The following SLC9C2 variants were observed in gnomAD, a reference collection of about 807,000 sequenced individuals.
The protein encoded by SLC9C2 is sodium/hydrogen exchanger 11.
A neutral mutation model predicts 140.2 loss-of-function variants in SLC9C2; 75 were observed. The ratio of observed to expected loss-of-function variants is 0.53; its 90% confidence interval spans 0.44 to 0.65. The LOEUF (loss-of-function observed/expected upper bound fraction) is 0.65. Among genes scored for constraint, SLC9C2 ranks in the 30% least tolerant of loss-of-function variants. The pLI is 0.00. For missense variants in SLC9C2, 1,074 were observed against 1,331.8 expected (o/e 0.81, Z 3.01); for synonymous variants, 375 against 420.9 (o/e 0.89, Z 1.34).
intron 6 of SLC9C2, among the ~76,000 whole-genome samples, chr1:173,583,127 T>G (rs1191831552): frequency 6.6e-6 from 1 of 152,184 alleles, no homozygotes. Flanking sequence ...TCTCAAAACC[T>G]TGGATATAAA....
intron 13 of SLC9C2, among the ~76,000 whole-genome samples, chr1:173,546,945 G>A (rs1662890879): frequency 6.6e-6 from 1 of 152,096 alleles, no homozygotes. Context: ...TGGGGGTTAG[G>A]ATGCAGCAGG....
rs1200591003 is a variant in SLC9C2, at chr1:173,500,880, AT to A, written c.*213del. The A allele has an allele frequency of 1.6e-5, 6 of 367,672 alleles. No individual in the cohort carries two copies. Among genetic ancestry groups the A allele is most frequent in the African/African-American group, 4.2e-5 (2 of 47,668 alleles). 22.8% of individuals were successfully genotyped at this position (367,672 alleles called of 1,614,324 possible). Reference sequence around the variant, plus strand: ...CCTGAAGACTTTTTTAACATCCCAAATATAATGCAACTACTTAAAATTAAGA... The same window carrying A: ...CCTGAAGACTTTTTTAACATCCCAAAATAATGCAACTACTTAAAATTAAGA... On this transcript the variant is annotated 3_prime_UTR_variant, in exon 28 of 28. Coordinates refer to ENST00000367714, the MANE Select transcript of SLC9C2 (RefSeq NM_178527.4).
intron 11 of SLC9C2, among the ~76,000 whole-genome samples, chr1:173,550,872 A>AAGAGAG (rs143296396): frequency 0.015 from 1,298 of 86,424 alleles, 48 homozygotes; most frequent in African/African-American, 0.044. Context: ...GAGCCGTTGA[A>AAGAGAG]AGAGAGAGAG....
chr1:173,574,714 G>A (rs1351572532), intron 8 of SLC9C2, among the ~76,000 whole-genome samples: 2 of 142,066 alleles, frequency 1.4e-5, no homozygotes, highest in South Asian at 2.5e-4. Flanking sequence ...GTTTCACCAT[G>A]TTAGCCAGGA....
At chr1:173,522,277 A>C (rs7551305) in intron 21 of SLC9C2, among the ~76,000 whole-genome samples, 77,101 of 151,590 alleles carry the variant, frequency 0.51, 21,341 homozygotes, top group East Asian at 0.95. Context: ...TTCGGTGAGG[A>C]CTTTACAGCA....
chr1:173,541,304 G>C (rs12049084), intron 13 of SLC9C2, among the ~76,000 whole-genome samples: 2 of 151,938 alleles, frequency 1.3e-5, no homozygotes, highest in Non-Finnish European at 2.9e-5. Context: ...AACAAGAAGA[G>C]CTAACTATCC....
At chr1:173,535,706 A>C (rs1238350263) in intron 15 of SLC9C2, 124 bp downstream of exon 15, 1 of 1,165,314 alleles carries the variant, frequency 8.6e-7, no homozygotes, top group Non-Finnish European at 1.1e-6. Context: ...AGCACCACCC[A>C]ATCAGTGAAA....
chr1:173,585,311 C>A (rs1420889425), intron 5 of SLC9C2, among the ~76,000 whole-genome samples: 1 of 152,070 alleles, frequency 6.6e-6, no homozygotes, highest in African/African-American at 2.4e-5. Context: ...AAAAGAAACA[C>A]TATTAACATT....
chr1:173,542,681 C>A (rs1251188601), intron 13 of SLC9C2, among the ~76,000 whole-genome samples: 2 of 152,098 alleles, frequency 1.3e-5, no homozygotes, highest in African/African-American at 4.8e-5. Flanking sequence ...TGTCTTCATC[C>A]CTGGAATGCA....
chr1:173,556,971 T>G (rs1178080582), intron 10 of SLC9C2, among the ~76,000 whole-genome samples: 1 of 151,826 alleles, frequency 6.6e-6, no homozygotes, highest in Non-Finnish European at 1.5e-5. Context: ...AGCATGTATG[T>G]GTTCAATAAC....
chr1:173,569,463 C>T (rs1420702944), intron 9 of SLC9C2, among the ~76,000 whole-genome samples: 1 of 151,900 alleles, frequency 6.6e-6, no homozygotes, highest in Non-Finnish European at 1.5e-5. Context: ...GTTCTACAAC[C>T]TTCTTGTACT....
chr1:173,504,050 G>A (rs943439893), intron 26 of SLC9C2, among the ~76,000 whole-genome samples: 2 of 152,182 alleles, frequency 1.3e-5, no homozygotes, highest in African/African-American at 4.8e-5. Flanking sequence ...TAGACCCTGA[G>A]TTCCCAGCCT....
rs1197251734 is a variant in SLC9C2, at chr1:173,576,756, T to A, written c.807A>T (p.Glu269Asp). ...CAAGAGTGCCTGACATTCCTAAAAA[T>A]TCCACTGGGGAGAAAAAAAAAACAA... ...SMVYMTFYIV[E>D]FLGMSGTLAL... The change falls in exon 8 of 28, where the codon GAA (glutamate) becomes GAT (aspartate). Residue 269 changes from glutamate (E) to aspartate (D), a missense_variant. Transcript: ENST00000367714. The A allele has an allele frequency of 6.3e-7, 1 of 1,595,518 alleles. No homozygotes were observed. Among genetic ancestry groups the A allele is most frequent in the Non-Finnish European group, 8.5e-7 (1 of 1,171,170 alleles).
chr1:173,589,098 G>C (rs1350077469), intron 4 of SLC9C2, among the ~76,000 whole-genome samples: 3 of 152,162 alleles, frequency 2.0e-5, no homozygotes, highest in Non-Finnish European at 4.4e-5. Flanking sequence ...ATAAGTGCGG[G>C]AGGATTTCCT....
chr1:173,554,616 A>C, intron 11 of SLC9C2, 117 bp downstream of exon 11: 1 of 696,410 alleles, frequency 1.4e-6, no homozygotes, highest in Non-Finnish European at 2.5e-6. Flanking sequence ...TAAATGAAAA[A>C]TGAATAATTT....
intron 13 of SLC9C2, among the ~76,000 whole-genome samples, chr1:173,545,395 T>C (rs149425476): frequency 6.6e-6 from 1 of 152,328 alleles, no homozygotes; most frequent in Non-Finnish European, 1.5e-5. Flanking sequence ...TTATTTCCTA[T>C]GGAAACGGAA....
rs114806379 is a variant in SLC9C2, at chr1:173,587,731, G to A, written c.457C>T (p.Leu153=). Residue 153 remains leucine, a synonymous_variant, in exon 5 of 28, where the codon CTA becomes TTA. Transcript: ENST00000367714. ...ATGCCAAGGGTGATGCTAAAGAGTAGGCAAGATTGCAAATCCCATGAATCT... is the reference window on the plus strand; with the variant it reads ...ATGCCAAGGGTGATGCTAAAGAGTAAGCAAGATTGCAAATCCCATGAATCT... ...NKDSWDLQSC[L]LFSITLGIID... 1,044 of 1,613,446 alleles carry A rather than the reference G, an allele frequency of 6.5e-4. 7 individuals are homozygous for A. In the African/African-American group the frequency reaches 0.012, roughly 18 times the overall value.
intron 9 of SLC9C2, among the ~76,000 whole-genome samples, chr1:173,563,993 A>G (rs570354032): frequency 6.6e-6 from 1 of 152,286 alleles, no homozygotes; most frequent in Admixed American, 6.5e-5. Flanking sequence ...ATTTAACATA[A>G]TGACCTCCAG....
At chr1:173,571,854 T>C (rs577774884) in intron 9 of SLC9C2, 1 of 152,220 alleles carries the variant, frequency 6.6e-6, no homozygotes, top group Non-Finnish European at 1.5e-5. Context: ...AACCTACTGA[T>C]AATTTCTTTG....
Sources: gnomAD v4.1 joint callset for allele counts (sites outside exome capture counted in the v4.1 genomes callset) on GRCh38, gnomAD v4.1.1 for gene constraint, MANE v1.5 for transcripts, NCBI Gene and HGNC (gene_info 2026-07-23, HGNC 2026-07-21) for gene names.